Variants in CDH19 observed in about 807,000 individuals in gnomAD.
CDH19 encodes the protein cadherin-19.
In CDH19, 67 loss-of-function variants were observed where a neutral mutation model predicts 64.2. The observed-to-expected ratio is 1.04, with a 90% CI of 0.86 to 1.28. The LOEUF (loss-of-function observed/expected upper bound fraction) is 1.28, where lower values mean the gene tolerates loss of function less well. Ranked by LOEUF, CDH19 falls within the 50% of genes most tolerant of loss-of-function variation. The pLI, the probability that CDH19 is intolerant of heterozygous loss-of-function variation, is 0.00. For missense variants in CDH19, 1,030 were observed against 929.0 expected, an observed-to-expected ratio of 1.11 and a Z score of -1.41; for synonymous variants, 346 against 319.3, an observed-to-expected ratio of 1.08 and a Z score of -0.89.
chr18:66,570,214 ATTAAG>A (rs1988058649), intron 2 of CDH19, among the ~76,000 whole-genome samples: 1 of 151,588 alleles, frequency 6.6e-6, no homozygotes, highest in Admixed American at 6.6e-5. Flanking sequence ...ATGAAGATAA[ATTAAG>A]TTTAGTAATA....
chr18:66,541,795 T>C (rs1295926713), intron 7 of CDH19, among the ~76,000 whole-genome samples: 1 of 152,134 alleles, frequency 6.6e-6, no homozygotes, highest in African/African-American at 2.4e-5. Flanking sequence ...GTGGAAGTCA[T>C]TAGCTAAAAT....
chr18:66,565,872 T>C (rs988063384), intron 3 of CDH19, among the ~76,000 whole-genome samples: 5 of 151,996 alleles, frequency 3.3e-5, no homozygotes, highest in African/African-American at 1.2e-4. Context: ...TCTTGCATGA[T>C]TTCATACAAA....
At chr18:66,571,970 T>C (rs1270447077) in intron 2 of CDH19, 40 bp downstream of exon 2, 1 of 1,409,102 alleles carries the variant, frequency 7.1e-7, no homozygotes, top group East Asian at 2.3e-5. Flanking sequence ...TTATTTACAT[T>C]GTTGTGCTAT....
intron 8 of CDH19, among the ~76,000 whole-genome samples, chr18:66,530,595 C>T (rs1290910048): frequency 6.6e-6 from 1 of 151,454 alleles, no homozygotes; most frequent in Non-Finnish European, 1.5e-5. Context: ...GCCAAGAAAT[C>T]CAAAAAACAT....
chr18:66,527,243 A>C (rs1349728457), intron 9 of CDH19, among the ~76,000 whole-genome samples: 1 of 151,988 alleles, frequency 6.6e-6, no homozygotes, highest in Non-Finnish European at 1.5e-5. Flanking sequence ...CCATGTGGTT[A>C]GTATTGTCAT....
chr18:66,578,418 C>T (rs571246632), intron 1 of CDH19, among the ~76,000 whole-genome samples: 1 of 151,784 alleles, frequency 6.6e-6, no homozygotes, highest in Non-Finnish European at 1.5e-5. Flanking sequence ...ATTAAAACTA[C>T]AATGAGATAC....
intron 9 of CDH19, among the ~76,000 whole-genome samples, chr18:66,515,210 A>G (rs892334837): frequency 2.0e-5 from 3 of 151,724 alleles, no homozygotes; most frequent in Admixed American, 6.6e-5. Flanking sequence ...TGAGTTGCTT[A>G]TTTAGTTATT....
intron 3 of CDH19, among the ~76,000 whole-genome samples, chr18:66,565,836 A>G (rs1165194087): frequency 2.0e-5 from 3 of 151,914 alleles, no homozygotes; most frequent in East Asian, 1.9e-4. Context: ...CCTCTCATGG[A>G]AAGGTTACAC....
At chr18:66,546,853 T>C (rs1298925359) in intron 5 of CDH19, among the ~76,000 whole-genome samples, 1 of 152,092 alleles carries the variant, frequency 6.6e-6, no homozygotes, top group Non-Finnish European at 1.5e-5. Flanking sequence ...AGAGGATAAT[T>C]GCCTGGTGTT....
chr18:66,580,456 G>A (rs925036879), intron 1 of CDH19, among the ~76,000 whole-genome samples: 15 of 152,038 alleles, frequency 9.9e-5, no homozygotes, highest in African/African-American at 3.4e-4. Context: ...TTGGCATAAA[G>A]CAATTAGTTA....
chr18:66,586,103 G>T (rs756338735), intron 1 of CDH19, among the ~76,000 whole-genome samples: 1 of 151,836 alleles, frequency 6.6e-6, no homozygotes, highest in Non-Finnish European at 1.5e-5. Flanking sequence ...AATGTATTCC[G>T]GAAAGCTCAT....
intron 1 of CDH19, among the ~76,000 whole-genome samples, chr18:66,593,534 G>A (rs759053912): frequency 1.3e-5 from 2 of 151,752 alleles, no homozygotes; most frequent in Non-Finnish European, 2.9e-5. Context: ...CTTAGTAGTC[G>A]AAAAAACCTC....
intron 1 of CDH19, among the ~76,000 whole-genome samples, chr18:66,579,152 T>C (rs1296197109): frequency 1.3e-5 from 2 of 151,976 alleles, no homozygotes; most frequent in African/African-American, 4.8e-5. Flanking sequence ...TATACTTCAT[T>C]AATGTTGTTA....
chr18:66,572,113 A>G lies in CDH19; in HGVS notation c.92T>C (p.Val31Ala). 1 of 1,611,644 alleles carries G rather than the reference A, an allele frequency of 6.2e-7. No individual in the cohort carries two copies. Among genetic ancestry groups the G allele is most frequent in the Non-Finnish European group, 8.5e-7 (1 of 1,178,484 alleles). The stretch of plus-strand genomic sequence containing the variant: ...CAAATGAGATCGCACTGGCTGCTTG[A>G]CTTTCTTTGTTTGAGAGTTTTCTGT... Reference protein sequence around the residue: ...GATENSQTKKVKQPVRSHLRV... With the variant: ...GATENSQTKKAKQPVRSHLRV... Residue 31 changes from valine to alanine, a missense_variant, in exon 2 of 12, where the codon GTC becomes GCC. Physicochemically the swap from Val to Ala is moderately conservative, Grantham distance 64. Coordinates refer to ENST00000262150, the MANE Select transcript of CDH19 (RefSeq NM_021153.4).
At chr18:66,568,191 C>G (rs772850910) in intron 3 of CDH19, among the ~76,000 whole-genome samples, 5 of 151,722 alleles carry the variant, frequency 3.3e-5, no homozygotes, top group Non-Finnish European at 7.4e-5. Context: ...ATCTAAACTT[C>G]TTTTATTCCT....
intron 1 of CDH19, among the ~76,000 whole-genome samples, chr18:66,592,464 T>C (rs554503563): frequency 1.3e-5 from 2 of 151,920 alleles, no homozygotes; most frequent in East Asian, 1.9e-4. Context: ...TACAGTGCTA[T>C]AGAAAAGACG....
intron 5 of CDH19, among the ~76,000 whole-genome samples, chr18:66,547,918 C>G (rs1173761166): frequency 1.4e-5 from 2 of 143,264 alleles, no homozygotes; most frequent in African/African-American, 2.8e-5. Context: ...CCGCCCGCCT[C>G]GGCCTCCCAA....
chr18:66,559,409 G>T (rs928018373), intron 3 of CDH19, among the ~76,000 whole-genome samples: 3 of 151,650 alleles, frequency 2.0e-5, no homozygotes, highest in Non-Finnish European at 4.4e-5. Context: ...AGAAAAAAAT[G>T]TTTTTCTGTC....
At chr18:66,589,435 G>C (rs1988679347) in intron 1 of CDH19, among the ~76,000 whole-genome samples, 1 of 151,634 alleles carries the variant, frequency 6.6e-6, no homozygotes, top group Non-Finnish European at 1.5e-5. Context: ...ACTCTTTTTA[G>C]CCACTGCTTA....
Sources: allele counts gnomAD v4.1 joint callset (sites outside exome capture counted in the v4.1 genomes callset), GRCh38; gene constraint gnomAD v4.1.1; transcripts MANE v1.5; gene names NCBI Gene and HGNC (gene_info 2026-07-23, HGNC 2026-07-21).